The following ZNF778 variants were observed in gnomAD, a reference collection of about 807,000 sequenced individuals.
ZNF778 encodes the protein zinc finger protein 778.
Under a neutral mutation model 23.9 loss-of-function variants are expected in ZNF778, and 37 were observed. The ratio of observed to expected loss-of-function variants is 1.54; its 90% confidence interval spans 1.19 to 2.03. The LOEUF (loss-of-function observed/expected upper bound fraction) is 2.03, where lower values mean the gene tolerates loss of function less well. Ranked by LOEUF, ZNF778 falls within the 30% of genes most tolerant of loss-of-function variation. The pLI is 0.00. For synonymous variants in ZNF778, 483 were observed against 343.9 expected, an observed-to-expected ratio of 1.40 and a Z score of -4.48; for missense variants, 1,297 against 934.4, an observed-to-expected ratio of 1.39 and a Z score of -5.06.
Position 89,235,408 on chromosome 16 carries a change from C to G in ZNF778, c.*6846C>G, listed in dbSNP as rs1227895211. On this transcript the variant is annotated 3_prime_UTR_variant, in exon 7 of 7. Transcript: ENST00000433976. Reference sequence around the variant, plus strand: ...GCAAACACATCATCAGCCTTAGGAGCTGGCCTGTGAGGTTGACCACTCTGT... The same window carrying G: ...GCAAACACATCATCAGCCTTAGGAGGTGGCCTGTGAGGTTGACCACTCTGT... 6.6e-6 allele frequency: 1 copy of G among 152,186 alleles called. No homozygotes were observed. The highest frequency in any genetic ancestry group is 2.4e-5 in the African/African-American group (1 of 41,426). The allele number at this position is 152,186 out of a possible 1,614,324, so 9.4% of individuals were successfully genotyped here.
In ZNF778 at chr16:89,228,555, C is replaced by G. The variant is rs755506284; in HGVS notation, c.2267C>G (p.Pro756Arg). Residue 756 changes from proline (P) to arginine (R), a missense_variant, in exon 7 of 7, where the codon CCT (proline) becomes CGT (arginine). Physicochemically the swap from Pro to Arg is moderately radical, Grantham distance 103. Transcript: ENST00000433976. The stretch of plus-strand genomic sequence containing the variant: ...ACTCAAATTCACACTGATGAGAAAC[C>G]TTTCTAATGTAAAGAATGTGGGGAA... ...HHTQIHTDEK[P>R]F 1.3e-5 allele frequency: 21 copies of G among 1,573,454 alleles called. No homozygotes were observed. Among genetic ancestry groups the G allele is most frequent in the Middle Eastern group, 1.7e-4 (1 of 5,860 alleles).
chr16:89,221,222 C>T lies in ZNF778; in HGVS notation c.25+70C>T, dbSNP rs937639504. The T allele has an allele frequency of 5.9e-6, 9 of 1,516,628 alleles. No homozygotes were observed. The African/African-American group carries it at 1.2e-4, about 21-fold the overall frequency. 93.9% of individuals were successfully genotyped at this position (1,516,628 alleles called of 1,614,324 possible). On this transcript the variant is annotated intron_variant, in intron 2 of 6. Transcript: ENST00000433976. ...CTGATACACAGTGTGTGTATCAGGC[C>T]CATGGACGGGGCCTGAGTAGTCACG... is the stretch of plus-strand genomic sequence containing the variant.
Position 89,232,022 on chromosome 16 carries a change from T to G in ZNF778, c.*3460T>G, listed in dbSNP as rs2031952949. ...CCCCAACATTTCAAAGTGATTTTCT[T>G]GAGTAATACCATATGCTGTGATGTG... On this transcript the variant is annotated 3_prime_UTR_variant, in exon 7 of 7. Coordinates refer to ENST00000433976, the MANE Select transcript of ZNF778 (RefSeq NM_001201407.2). The G allele has an allele frequency of 6.5e-6, 1 of 152,868 alleles. No individual in the cohort carries two copies. The highest frequency in any genetic ancestry group is 1.5e-5 in the Non-Finnish European group (1 of 68,546). The allele number at this position is 152,868 out of a possible 1,614,324, so 9.5% of individuals were successfully genotyped here.
chr16:89,232,650 T>G lies in ZNF778; in HGVS notation c.*4088T>G. The G allele has an allele frequency of 8.3e-7, 1 of 1,203,598 alleles. No individual in the cohort carries two copies. Among genetic ancestry groups the G allele is most frequent in the Non-Finnish European group, 1.1e-6 (1 of 948,648 alleles). The allele number at this position is 1,203,598 out of a possible 1,614,324, so 74.6% of individuals were successfully genotyped here. On this transcript the variant is annotated 3_prime_UTR_variant, in exon 7 of 7. Transcript: ENST00000433976. ...CCAATTGTATTAATTATGTTTTTTTTTTTTTTGTTAGGGTACATTTTCATC... is the reference window on the plus strand; with the variant it reads ...CCAATTGTATTAATTATGTTTTTTTGTTTTTTGTTAGGGTACATTTTCATC...
In ZNF778 at chr16:89,232,602, G is replaced by C. The variant is rs2031982563; in HGVS notation, c.*4040G>C. On this transcript the variant is annotated 3_prime_UTR_variant, in exon 7 of 7. Transcript: ENST00000433976. ...ACTCCCAATGTCTGAGGGTTCCTCAGAGTAAGATAAAATATTAAAGGACCA... is the reference window on the plus strand; with the variant it reads ...ACTCCCAATGTCTGAGGGTTCCTCACAGTAAGATAAAATATTAAAGGACCA... 2 of 1,192,192 alleles carry C rather than the reference G, an allele frequency of 1.7e-6. No individual in the cohort carries two copies. Among genetic ancestry groups the C allele is most frequent in the Non-Finnish European group, 2.1e-6 (2 of 943,760 alleles). 73.9% of individuals were successfully genotyped at this position (1,192,192 alleles called of 1,614,324 possible). A position where few individuals can be genotyped will look rare whatever the true frequency, so the allele number is the denominator to read the frequency against.
intron 3 of ZNF778, 56 bp downstream of exon 3, chr16:89,222,239 C>G (rs1266350516): frequency 7.1e-7 from 1 of 1,403,742 alleles, no homozygotes; most frequent in South Asian, 1.3e-5. Flanking sequence ...AGCAGATAGA[C>G]AAGTTTCTGT....
Position 89,224,716 on chromosome 16 carries a change from C to A in ZNF778, c.245-3C>A. 6.5e-7 allele frequency: 1 copy of A among 1,534,632 alleles called. No homozygotes were observed. The highest frequency in any genetic ancestry group is 8.7e-7 in the Non-Finnish European group (1 of 1,145,706). On this transcript the variant is annotated splice_polypyrimidine_tract_variant and splice_region_variant and intron_variant, in intron 4 of 6. Transcript: ENST00000433976. ...CCATCGATGTCTCTTTCCCTGTGTA[C>A]AGGACATCACCTGTTCCAACCCAGT...
Position 89,226,691 on chromosome 16 carries a change from C to A in ZNF778, c.406-3C>A. ...CTGACCACCACTCATTCTTCACCAA[C>A]AGGCAAGAAGCCACAATGGAGGGCA... On this transcript the variant is annotated splice_region_variant and splice_polypyrimidine_tract_variant and intron_variant, in intron 6 of 6. Coordinates refer to ENST00000433976, the MANE Select transcript of ZNF778 (RefSeq NM_001201407.2). 2 of 1,603,868 alleles carry A rather than the reference C, an allele frequency of 1.2e-6. No homozygotes were observed. Among genetic ancestry groups the A allele is most frequent in the Non-Finnish European group, 1.7e-6 (2 of 1,173,576 alleles).
Position 89,229,983 on chromosome 16 carries a change from A to G in ZNF778, c.*1421A>G, listed in dbSNP as rs2031827332. 6.1e-6 allele frequency: 6 copies of G among 982,740 alleles called. 1 individual carries two copies. In the Admixed American group the frequency reaches 3.7e-4, roughly 61 times the overall value. The allele number at this position is 982,740 out of a possible 1,614,324, so 60.9% of individuals were successfully genotyped here. On this transcript the variant is annotated 3_prime_UTR_variant, in exon 7 of 7. Coordinates refer to ENST00000433976, the MANE Select transcript of ZNF778 (RefSeq NM_001201407.2). ...TGGTTGGTTAGTCTTGAGGATCCAG[A>G]TGTGATCCTGTGTGAGCAGTGTAGG...
At chr16:89,225,974 C>T (rs148432518) in intron 6 of ZNF778, among the ~76,000 whole-genome samples, 4 of 151,358 alleles carry the variant, frequency 2.6e-5, no homozygotes, top group Admixed American at 2.0e-4. Flanking sequence ...CGCAGTGGCA[C>T]GATCTTGGCT....
chr16:89,220,151 A>G (rs557938807), intron 1 of ZNF778, among the ~76,000 whole-genome samples: 28 of 152,358 alleles, frequency 1.8e-4, no homozygotes, highest in African/African-American at 6.5e-4. Context: ...TGCAGGTGAC[A>G]ACAAAGTCAA....
At position 89,232,631 on chromosome 16, in the gene ZNF778, G is replaced by C; in HGVS notation, c.*4069G>C. On this transcript the variant is annotated 3_prime_UTR_variant, in exon 7 of 7. Transcript: ENST00000433976. ...AAGATAAAATATTAAAGGACCAATTGTATTAATTATGTTTTTTTTTTTTTT... is the reference window on the plus strand; with the variant it reads ...AAGATAAAATATTAAAGGACCAATTCTATTAATTATGTTTTTTTTTTTTTT... The C allele has an allele frequency of 1.7e-6, 2 of 1,163,842 alleles. No individual in the cohort carries two copies. The highest frequency in any genetic ancestry group is 1.1e-6 in the Non-Finnish European group (1 of 936,710). The allele number at this position is 1,163,842 out of a possible 1,614,324, so 72.1% of individuals were successfully genotyped here. A position where few individuals can be genotyped will look rare whatever the true frequency, so the allele number is the denominator to read the frequency against.
Position 89,232,905 on chromosome 16 carries a change from A to ACTCAACTCGCACTGCGTATGCAC in ZNF778, c.*4364_*4365insACCTCAACTCGCACTGCGTATGC, listed in dbSNP as rs1315164288. On this transcript the variant is annotated 3_prime_UTR_variant, in exon 7 of 7. Transcript: ENST00000433976. ...CAACTCAACTCGCACTGCGTATGCA[A>ACTCAACTCGCACTGCGTATGCAC]CTCAACTCGCACTGCGTATGCGAAT... 1 of 1,282,530 alleles carries ACTCAACTCGCACTGCGTATGCAC rather than the reference A, an allele frequency of 7.8e-7. No individual in the cohort carries two copies. Among genetic ancestry groups the ACTCAACTCGCACTGCGTATGCAC allele is most frequent in the East Asian group, 5.8e-5 (1 of 17,284 alleles). 79.4% of individuals were successfully genotyped at this position (1,282,530 alleles called of 1,614,324 possible). A position where few individuals can be genotyped will look rare whatever the true frequency, so the allele number is the denominator to read the frequency against.
chr16:89,234,059 C>A lies in ZNF778; in HGVS notation c.*5497C>A. 1 of 755,104 alleles carries A rather than the reference C, an allele frequency of 1.3e-6. No individual in the cohort carries two copies. Among genetic ancestry groups the A allele is most frequent in the Non-Finnish European group, 2.0e-6 (1 of 500,372 alleles). The allele number at this position is 755,104 out of a possible 1,614,324, so 46.8% of individuals were successfully genotyped here. ...CCTGGCTCTGACTTCTGCCTCCTGC[C>A]CAGCTCTGCAGCTCCCCTTGGGCCC... is the stretch of plus-strand genomic sequence containing the variant. On this transcript the variant is annotated 3_prime_UTR_variant, in exon 7 of 7. Transcript: ENST00000433976.
Position 89,227,285 on chromosome 16 carries a change from G to A in ZNF778, c.997G>A (p.Ala333Thr), listed in dbSNP as rs556591319. Residue 333 changes from alanine to threonine, a missense_variant, in exon 7 of 7, where the codon GCA (alanine) becomes ACA (threonine). Physicochemically the swap from Ala to Thr is moderately conservative, Grantham distance 58. Transcript: ENST00000433976. The part of the protein sequence containing the change: ...SLTQHVRIHA[A>T]EKPCECKECG... ...AACTCAACATGTAAGAATTCATGCT[G>A]CAGAGAAACCCTGTGAATGTAAAGA... The A allele has an allele frequency of 1.2e-6, 2 of 1,613,894 alleles. No individual in the cohort carries two copies. The highest frequency in any genetic ancestry group is 2.2e-5 in the East Asian group (1 of 44,882).
chr16:89,221,140 G>T lies in ZNF778; in HGVS notation c.13G>T (p.Asp5Tyr), dbSNP rs1349438735. The T allele has an allele frequency of 6.4e-7, 1 of 1,566,816 alleles. No homozygotes were observed. Among genetic ancestry groups the T allele is most frequent in the Admixed American group, 1.9e-5 (1 of 53,232 alleles). Residue 5 changes from aspartate (D) to tyrosine (Y), a missense_variant, in exon 2 of 7, where the codon GAC becomes TAC. Asp to Tyr is a radical substitution (Grantham distance 160). Coordinates refer to ENST00000433976, the MANE Select transcript of ZNF778 (RefSeq NM_001201407.2). ...TCAGCCTCCCAGGATGGCAGCCCCTGACCTGGCCCACGGTAAGTCCTGGTG... is the reference window on the plus strand; with the variant it reads ...TCAGCCTCCCAGGATGGCAGCCCCTTACCTGGCCCACGGTAAGTCCTGGTG... MAAPDLAHGGHVSRD... is the reference protein window; with the variant it reads MAAPYLAHGGHVSRD...
rs2031733142 is a variant in ZNF778, at chr16:89,228,768, G to T, written c.*206G>T. 7.3e-7 allele frequency: 1 copy of T among 1,375,604 alleles called. No homozygotes were observed. The highest frequency in any genetic ancestry group is 9.4e-7 in the Non-Finnish European group (1 of 1,068,976). The allele number at this position is 1,375,604 out of a possible 1,614,324, so 85.2% of individuals were successfully genotyped here. ...TGTTCTCTAAGGTCTTGCTGAATAT[G>T]GATGGTATCCAGTAGAGAGAACTCT... is the stretch of plus-strand genomic sequence containing the variant. On this transcript the variant is annotated 3_prime_UTR_variant, in exon 7 of 7. Coordinates refer to ENST00000433976, the MANE Select transcript of ZNF778 (RefSeq NM_001201407.2).
intron 1 of ZNF778, among the ~76,000 whole-genome samples, chr16:89,218,751 A>G (rs1224905011): frequency 6.6e-6 from 1 of 152,118 alleles, no homozygotes; most frequent in East Asian, 1.9e-4. Flanking sequence ...AGATGGCGCC[A>G]CTGCACTCCA....
At chr16:89,222,045 G>C in intron 2 of ZNF778, 47 bp from the exon 3 acceptor site, 1 of 1,399,144 alleles carries the variant, frequency 7.1e-7, no homozygotes. Context: ...TGTGGAATTA[G>C]GGTCAGCTCT....
Sources: gnomAD v4.1 joint callset for allele counts (sites outside exome capture counted in the v4.1 genomes callset) on GRCh38, gnomAD v4.1.1 for gene constraint, MANE v1.5 for transcripts, NCBI Gene and HGNC (gene_info 2026-07-23, HGNC 2026-07-21) for gene names.